The following ARHGAP42 variants were observed in gnomAD, a reference collection of about 807,000 sequenced individuals.
ARHGAP42 encodes rho GTPase-activating protein 42.
A neutral mutation model predicts 125.0 loss-of-function variants in ARHGAP42; 63 were observed. That is an observed-to-expected ratio of 0.50 (90% confidence interval 0.41 to 0.62). The LOEUF (loss-of-function observed/expected upper bound fraction) is 0.62. Ranked by LOEUF, ARHGAP42 falls within the 20% of genes least tolerant of loss-of-function variation. The pLI, the probability that ARHGAP42 is intolerant of heterozygous loss-of-function variation, is 0.00. For synonymous variants in ARHGAP42, 339 were observed against 351.0 expected, an observed-to-expected ratio of 0.97 and a Z score of 0.38; for missense variants, 766 against 1,024.2, an observed-to-expected ratio of 0.75 and a Z score of 3.44.
At chr11:100,975,262 A>T (rs1858360134) in intron 19 of ARHGAP42, among the ~76,000 whole-genome samples, 1 of 152,208 alleles carries the variant, frequency 6.6e-6, no homozygotes, top group Non-Finnish European at 1.5e-5. Context: ...GAGGAGACGG[A>T]TACTCCATTA....
At chr11:100,857,758 A>T (rs891904914) in intron 3 of ARHGAP42, among the ~76,000 whole-genome samples, 14 of 151,968 alleles carry the variant, frequency 9.2e-5, no homozygotes, top group African/African-American at 3.4e-4. Context: ...GCAATTTGTC[A>T]TTGAGTCCCT....
Position 100,936,220 on chromosome 11 carries a change from A to G in ARHGAP42, c.720A>G (p.Glu240=). The G allele has an allele frequency of 6.4e-7, 1 of 1,551,702 alleles. No homozygotes were observed. The highest frequency in any genetic ancestry group is 8.7e-7 in the Non-Finnish European group (1 of 1,146,920). The stretch of plus-strand genomic sequence containing the variant: ...TACTTAAGACAAGGAATAATTTTGA[A>G]AGTACTCGACAAGAGGTAGAGCGGT... ...FNLQNTRNNF[E]STRQEVERLM... The change falls in exon 8 of 24, where the codon GAA becomes GAG. Residue 240 remains glutamate (E), a synonymous_variant. Coordinates refer to ENST00000298815, the MANE Select transcript of ARHGAP42 (RefSeq NM_152432.4).
chr11:100,727,150 T>G (rs1352117857), intron 1 of ARHGAP42, among the ~76,000 whole-genome samples: 1 of 152,238 alleles, frequency 6.6e-6, no homozygotes, highest in East Asian at 1.9e-4. Context: ...CTTTTTCTAA[T>G]AGTTTGATTT....
intron 4 of ARHGAP42, among the ~76,000 whole-genome samples, chr11:100,872,200 A>C (rs1163097486): frequency 6.6e-6 from 1 of 152,196 alleles, no homozygotes; most frequent in South Asian, 2.1e-4. Flanking sequence ...TTTTAAAAAT[A>C]GTGTATTTAT....
At chr11:100,689,194 A>C (rs1290853795) in intron 1 of ARHGAP42, among the ~76,000 whole-genome samples, 3 of 152,222 alleles carry the variant, frequency 2.0e-5, no homozygotes, top group Non-Finnish European at 4.4e-5. Context: ...GCTACTACTA[A>C]TAATGGTATT....
chr11:100,750,685 A>C (rs1862427113), intron 1 of ARHGAP42, among the ~76,000 whole-genome samples: 1 of 151,982 alleles, frequency 6.6e-6, no homozygotes, highest in Non-Finnish European at 1.5e-5. Context: ...CAGAGCAGGA[A>C]ATCGGAATGA....
At chr11:100,972,480 A>G (rs1473130977) in intron 17 of ARHGAP42, among the ~76,000 whole-genome samples, 1 of 152,070 alleles carries the variant, frequency 6.6e-6, no homozygotes, top group African/African-American at 2.4e-5. Flanking sequence ...TTTGCCTAGC[A>G]CAGCACCCAA....
chr11:100,800,541 C>G (rs1863826101), intron 3 of ARHGAP42, among the ~76,000 whole-genome samples: 1 of 152,014 alleles, frequency 6.6e-6, no homozygotes, highest in African/African-American at 2.4e-5. Context: ...GGACAGCGAC[C>G]AAGGAGAGGA....
chr11:100,917,015 T>TTGTGTG (rs6144479), intron 5 of ARHGAP42, among the ~76,000 whole-genome samples: 3,255 of 149,560 alleles, frequency 0.022, 49 homozygotes, highest in Non-Finnish European at 0.026. Context: ...TAAAATAAGT[T>TTGTGTG]TGTGTGTGTG....
intron 9 of ARHGAP42, among the ~76,000 whole-genome samples, chr11:100,942,701 C>A (rs182329257): frequency 1.3e-5 from 2 of 152,104 alleles, no homozygotes; most frequent in Admixed American, 6.6e-5. Flanking sequence ...CTAACTTAGA[C>A]ACATACTCAA....
At chr11:100,891,203 A>G (rs1866210118) in intron 4 of ARHGAP42, among the ~76,000 whole-genome samples, 2 of 152,192 alleles carry the variant, frequency 1.3e-5, no homozygotes, top group South Asian at 4.1e-4. Context: ...CAGAAGAGTC[A>G]GAAGACTCTT....
intron 1 of ARHGAP42, among the ~76,000 whole-genome samples, chr11:100,695,594 C>T (rs1403620045): frequency 3.9e-5 from 6 of 152,098 alleles, no homozygotes; most frequent in Non-Finnish European, 5.9e-5. Flanking sequence ...CTTGAGCCAC[C>T]GCACCCGGCC....
chr11:100,702,775 G>A (rs575196733), intron 1 of ARHGAP42, among the ~76,000 whole-genome samples: 11 of 151,576 alleles, frequency 7.3e-5, no homozygotes, highest in Non-Finnish European at 1.6e-4. Flanking sequence ...AGGTTCAAGC[G>A]ATTCTCCTGC....
chr11:100,727,734 C>G (rs1233665664), intron 1 of ARHGAP42, among the ~76,000 whole-genome samples: 1 of 152,206 alleles, frequency 6.6e-6, no homozygotes, highest in African/African-American at 2.4e-5. Flanking sequence ...CTATGTACCT[C>G]TCCATCTGGT....
intron 3 of ARHGAP42, among the ~76,000 whole-genome samples, chr11:100,856,892 A>G (rs1480639747): frequency 6.6e-6 from 1 of 152,034 alleles, no homozygotes; most frequent in East Asian, 1.9e-4. Context: ...TTTTATAAAA[A>G]CCTTAAGAAG....
At chr11:100,888,582 G>A (rs1591269853) in intron 4 of ARHGAP42, among the ~76,000 whole-genome samples, 1 of 152,182 alleles carries the variant, frequency 6.6e-6, no homozygotes, top group Admixed American at 6.5e-5. Flanking sequence ...AAACGATGTT[G>A]TTATTCAAAG....
At chr11:100,965,232 C>A (rs1035321698) in intron 16 of ARHGAP42, among the ~76,000 whole-genome samples, 5 of 152,194 alleles carry the variant, frequency 3.3e-5, no homozygotes, top group Non-Finnish European at 7.4e-5. Flanking sequence ...AACTACAATT[C>A]AAGATGAGAT....
intron 5 of ARHGAP42, among the ~76,000 whole-genome samples, chr11:100,914,886 G>A (rs1205724963): frequency 6.6e-5 from 10 of 152,198 alleles, no homozygotes; most frequent in Admixed American, 5.2e-4. Context: ...AGTTCCTACA[G>A]CCTCAAAAAG....
At chr11:100,771,150 G>A (rs1249855325) in intron 2 of ARHGAP42, among the ~76,000 whole-genome samples, 1 of 152,100 alleles carries the variant, frequency 6.6e-6, no homozygotes. Flanking sequence ...CTAAACCAGT[G>A]TTGTTGCAGA....
Sources: allele counts gnomAD v4.1 joint callset (sites outside exome capture counted in the v4.1 genomes callset), GRCh38; gene constraint gnomAD v4.1.1; transcripts MANE v1.5; gene names NCBI Gene and HGNC (gene_info 2026-07-23, HGNC 2026-07-21).